The following KALRN variants were observed in gnomAD, a reference collection of about 807,000 sequenced individuals.
The protein encoded by KALRN is kalirin RhoGEF kinase, also known as kalirin.
KALRN carries 70 observed loss-of-function variants against 353.7 expected under a neutral mutation model. The ratio of observed to expected loss-of-function variants is 0.20; its 90% CI spans 0.16 to 0.24. KALRN has a LOEUF of 0.24. KALRN is among the 10% of genes least tolerant of loss of function. The pLI is 1.00. For synonymous variants in KALRN, 1,391 were observed against 1,434.8 expected (o/e 0.97, Z 0.69); for missense variants, 2,791 against 3,756.7 (o/e 0.74, Z 6.72).
At chr3:124,581,410 C>G (rs2010099) in intron 34 of KALRN, among the ~76,000 whole-genome samples, 5 of 141,702 alleles carry the variant, frequency 3.5e-5, no homozygotes, top group African/African-American at 1.0e-4. Context: ...AAAAAAGTAT[C>G]GGTGGAAACA....
At chr3:124,331,305 G>A (rs1315417481) in intron 8 of KALRN, among the ~76,000 whole-genome samples, 3 of 152,184 alleles carry the variant, frequency 2.0e-5, no homozygotes, top group Non-Finnish European at 2.9e-5. Flanking sequence ...GGCATTCACA[G>A]CAATCTGGAT....
chr3:124,374,041 G>GGAA (rs1249951264), intron 10 of KALRN, among the ~76,000 whole-genome samples: 42 of 152,340 alleles, frequency 2.8e-4, no homozygotes, highest in African/African-American at 9.9e-4. Flanking sequence ...TCCTCCAAAT[G>GGAA]TATATATTGA....
chr3:124,597,688 G>T (rs754751272), intron 34 of KALRN, among the ~76,000 whole-genome samples: 4 of 152,132 alleles, frequency 2.6e-5, no homozygotes, highest in African/African-American at 9.7e-5. Context: ...TCCAAATTGA[G>T]ATATGCTGTA....
intron 1 of KALRN, among the ~76,000 whole-genome samples, chr3:124,221,005 A>C (rs934305415): frequency 6.6e-6 from 1 of 152,158 alleles, no homozygotes; most frequent in African/African-American, 2.4e-5. Context: ...CCCTTGCTGT[A>C]TGTAGCACAG....
chr3:124,495,031 T>G (rs950730617), intron 32 of KALRN, among the ~76,000 whole-genome samples: 1 of 152,166 alleles, frequency 6.6e-6, no homozygotes, highest in Non-Finnish European at 1.5e-5. Flanking sequence ...ATGCAATCCC[T>G]TTTGGCCATG....
At position 124,632,630 on chromosome 3, in the gene KALRN, G is replaced by T. The variant is rs1292286156; in HGVS notation, c.5393G>T (p.Gly1798Val). 1 of 1,614,198 alleles carries T rather than the reference G, an allele frequency of 6.2e-7. No individual in the cohort carries two copies. Among genetic ancestry groups the T allele is most frequent in the Admixed American group, 1.7e-5 (1 of 60,020 alleles). ...NIKKQKKVRD[G>V]RKSFDLGSPK... is the part of the protein sequence containing the mutation. ...AAAAAGCAGAAGAAAGTTCGCGATG[G>T]TCGGAAGAGCTTTGACCTGGGATCT... Residue 1798 changes from glycine to valine, a missense_variant, in exon 35 of 60, where the codon GGT (glycine) becomes GTT (valine). Around this residue, in one of 11 missense-constraint regions of KALRN, gnomAD observed 1,065 missense variants for 1,156.4 expected, o/e 0.92. Coordinates refer to ENST00000682506, the MANE Select transcript of KALRN (RefSeq NM_001388419.1).
chr3:124,471,256 T>TTTTTTA lies in KALRN; in HGVS notation c.4032-3405_4032-3404insTTTATT, dbSNP rs377604411. Reference sequence around the variant, plus strand: ...ATCCTTACAAGCACCCCCACAAAGTTTTATTATTATTATTATTATTATTAT... The same window carrying TTTTTTA: ...ATCCTTACAAGCACCCCCACAAAGTTTTTTTATTATTATTATTATTATTATTATTAT... On this transcript the variant is annotated intron_variant, in intron 25 of 59. Coordinates refer to ENST00000682506, the MANE Select transcript of KALRN (RefSeq NM_001388419.1). Among the ~76,000 whole-genome samples the TTTTTTA allele has an allele frequency of 1.3e-3, 174 of 138,808 alleles. 1 individual carries two copies. Among genetic ancestry groups the TTTTTTA allele is most frequent in the African/African-American group, 4.0e-3 (150 of 37,432 alleles). 91.1% of individuals were successfully genotyped at this position (138,808 alleles called of 152,430 possible).
chr3:124,064,933 A>G (rs1478316903), intron 1 of KALRN, among the ~76,000 whole-genome samples: 1 of 152,002 alleles, frequency 6.6e-6, no homozygotes, highest in Non-Finnish European at 1.5e-5. Context: ...CAATCCCTGT[A>G]TTTGGGAGCT....
intron 3 of KALRN, among the ~76,000 whole-genome samples, chr3:124,245,777 T>A (rs917713767): frequency 1.3e-5 from 2 of 152,140 alleles, no homozygotes; most frequent in African/African-American, 4.8e-5. Flanking sequence ...TGATGTTGAG[T>A]ATGTTTTTCA....
At chr3:124,699,683 TC>T (rs2062225572) in intron 55 of KALRN, among the ~76,000 whole-genome samples, 185 bp from the exon 56 acceptor site, 1 of 152,232 alleles carries the variant, frequency 6.6e-6, no homozygotes, top group Non-Finnish European at 1.5e-5. Context: ...CACCATTTAT[TC>T]CGTCATTTAG....
In KALRN at chr3:124,268,897, C is replaced by T. The variant is rs747243242; in HGVS notation, c.611C>T (p.Ser204Leu). The change falls in exon 5 of 60, where the codon TCG (serine) becomes TTG (leucine). Residue 204 changes from serine to leucine, a missense_variant. Ser to Leu is a moderately radical substitution (Grantham distance 145). Transcript: ENST00000682506. ...EFFNSAVHLL[S>L]RLEDLQEMLA... Reference sequence around the variant, plus strand: ...TTCAACAGCGCCGTGCACCTGCTCTCGCGCCTCGAGGACCTCCAGGAGATG... The same window carrying T: ...TTCAACAGCGCCGTGCACCTGCTCTTGCGCCTCGAGGACCTCCAGGAGATG... 11 of 1,613,968 alleles carry T rather than the reference C, an allele frequency of 6.8e-6. No individual in the cohort carries two copies. The highest frequency in any genetic ancestry group is 4.0e-5 in the African/African-American group (3 of 74,890).
intron 1 of KALRN, among the ~76,000 whole-genome samples, chr3:124,145,374 C>G (rs2067205315): frequency 6.6e-6 from 1 of 152,216 alleles, no homozygotes; most frequent in Non-Finnish European, 1.5e-5. Context: ...GATGCCCAAG[C>G]TTCACCCCAG....
At chr3:124,490,665 T>G in intron 29 of KALRN, 29 bp from the exon 30 acceptor site, 1 of 1,601,294 alleles carries the variant, frequency 6.2e-7, no homozygotes, top group Non-Finnish European at 8.5e-7. Flanking sequence ...GTAGAGAAAC[T>G]CCACAGGGTG....
chr3:124,528,897 C>A (rs986958602), intron 33 of KALRN, among the ~76,000 whole-genome samples: 1 of 152,116 alleles, frequency 6.6e-6, no homozygotes, highest in Non-Finnish European at 1.5e-5. Context: ...TTTCTTGGAT[C>A]TATACTTGTG....
At chr3:124,115,792 C>G (rs557965623) in intron 1 of KALRN, among the ~76,000 whole-genome samples, 84 of 152,248 alleles carry the variant, frequency 5.5e-4, no homozygotes, top group Non-Finnish European at 9.3e-4. Context: ...GAATGTAGGT[C>G]TTTGCTTCAA....
chr3:124,646,509 G>C (rs980476889), intron 37 of KALRN, among the ~76,000 whole-genome samples: 12 of 149,774 alleles, frequency 8.0e-5, no homozygotes, highest in African/African-American at 2.7e-4. Context: ...TCCTACCTCA[G>C]CCTCCCGAGT....
At chr3:124,583,988 G>A (rs922223732) in intron 34 of KALRN, among the ~76,000 whole-genome samples, 11 of 152,080 alleles carry the variant, frequency 7.2e-5, no homozygotes, top group Admixed American at 7.2e-4. Flanking sequence ...AGCAAGACCC[G>A]AGACCCTGCC....
At chr3:124,474,987 A>C (rs1262020821) in intron 26 of KALRN, among the ~76,000 whole-genome samples, 1 of 152,230 alleles carries the variant, frequency 6.6e-6, no homozygotes, top group Non-Finnish European at 1.5e-5. Context: ...GGCAGAGGAA[A>C]TGTGTCAGCT....
rs184932259 is a variant in KALRN at position 124,592,383 on chromosome 3, G to A, written c.5182+29294G>A. Among the ~76,000 whole-genome samples, 124 of 151,642 alleles carry A rather than the reference G, an allele frequency of 8.2e-4. 1 individual carries two copies. Among genetic ancestry groups the A allele is most frequent in the Admixed American group, 1.8e-3 (28 of 15,218 alleles). On this transcript the variant is annotated intron_variant, in intron 34 of 59. Coordinates refer to ENST00000682506, the MANE Select transcript of KALRN (RefSeq NM_001388419.1). ...TCCCTAAGTTATCCTTCTCTTAGGG[G>A]CAACACAAGGTACAAGAACTGGAGA...
Sources: allele counts gnomAD v4.1 joint callset (sites outside exome capture counted in the v4.1 genomes callset), GRCh38; gene constraint gnomAD v4.1.1; regional missense constraint gnomAD v4.1.1; transcripts MANE v1.5; gene names NCBI Gene and HGNC (gene_info 2026-07-23, HGNC 2026-07-21).